TF: variants seen among roughly 807,000 people sequenced by gnomAD.
The protein encoded by TF is serotransferrin.
A neutral mutation model predicts 82.4 loss-of-function variants in TF; 55 were observed. That is an observed-to-expected ratio of 0.67 (90% CI 0.54 to 0.84). TF has a LOEUF of 0.84. TF is among the 40% of genes least tolerant of loss of function. TF has a pLI of 0.00. For missense variants in TF, 737 were observed against 868.4 expected, an observed-to-expected ratio of 0.85 and a Z score of 1.90; for synonymous variants, 332 against 332.6, an observed-to-expected ratio of 1.00 and a Z score of 0.02.
intron 5 of TF, among the ~76,000 whole-genome samples, chr3:133,756,072 C>G (rs1361505672): frequency 6.6e-6 from 1 of 152,126 alleles, no homozygotes; most frequent in Non-Finnish European, 1.5e-5. Context: ...CATTTTGCTT[C>G]TTTGGGTTAT....
At chr3:133,735,637 A>C in the TF span, among the ~76,000 whole-genome samples, 2 of 152,320 alleles carry the variant, frequency 1.3e-5, no homozygotes, top group Admixed American at 1.3e-4. Flanking sequence ...GAAAAACAGC[A>C]CGAGAACTTT....
the TF span, among the ~76,000 whole-genome samples, chr3:133,714,872 G>A: frequency 2.6e-5 from 4 of 151,922 alleles, no homozygotes; most frequent in Non-Finnish European, 5.9e-5. Context: ...GAGTAGAGAC[G>A]GGGTTTCACC....
the TF span, among the ~76,000 whole-genome samples, chr3:133,663,482 T>C: frequency 7.6e-6 from 1 of 130,886 alleles, no homozygotes; most frequent in East Asian, 2.0e-4. Flanking sequence ...TCACTAGAGG[T>C]GGGAAAAAAA....
chr3:133,732,560 G>A, the TF span, among the ~76,000 whole-genome samples: 1 of 152,168 alleles, frequency 6.6e-6, no homozygotes, highest in Non-Finnish European at 1.5e-5. Context: ...TTCTTTTGCT[G>A]TTTGCAAGAA....
At chr3:133,767,960 T>C (rs964689458) in intron 12 of TF, 69 bp from the exon 13 acceptor site, 17 of 1,594,004 alleles carry the variant, frequency 1.1e-5, no homozygotes, top group Non-Finnish European at 1.5e-5. Context: ...TGCAGCCCTG[T>C]TATCTCTTAA....
chr3:133,675,027 C>G, the TF span, among the ~76,000 whole-genome samples: 1 of 151,986 alleles, frequency 6.6e-6, no homozygotes, highest in Non-Finnish European at 1.5e-5. Context: ...GGTGTATCAC[C>G]TGATGTCAGG....
At chr3:133,684,594 G>GA in the TF span, among the ~76,000 whole-genome samples, 1 of 152,124 alleles carries the variant, frequency 6.6e-6, no homozygotes, top group Admixed American at 6.6e-5. Flanking sequence ...AAATAAACTA[G>GA]AAAATCTAGA....
At chr3:133,687,095 A>G in the TF span, among the ~76,000 whole-genome samples, 2 of 152,206 alleles carry the variant, frequency 1.3e-5, no homozygotes, top group South Asian at 4.1e-4. Context: ...TATCGCAAGG[A>G]CGGAAAACCA....
the TF span, among the ~76,000 whole-genome samples, chr3:133,672,882 G>A: frequency 6.6e-6 from 1 of 152,144 alleles, no homozygotes; most frequent in African/African-American, 2.4e-5. Context: ...GGAATCATAT[G>A]AGTATCTTAG....
intron 2 of TF, among the ~76,000 whole-genome samples, chr3:133,751,716 G>C (rs1288690401): frequency 6.6e-6 from 1 of 152,174 alleles, no homozygotes; most frequent in East Asian, 1.9e-4. Flanking sequence ...AATTGGCTGG[G>C]TGCGGTGGCT....
At chr3:133,676,601 A>G in the TF span, among the ~76,000 whole-genome samples, 1 of 152,194 alleles carries the variant, frequency 6.6e-6, no homozygotes, top group Non-Finnish European at 1.5e-5. Flanking sequence ...GAAGGCAGGA[A>G]GGGAAGGGGA....
intron 2 of TF, 74 bp downstream of exon 2, chr3:133,748,658 C>G: frequency 6.4e-7 from 1 of 1,561,704 alleles, no homozygotes; most frequent in Non-Finnish European, 8.7e-7. Context: ...TGGAACAATT[C>G]TTTACTCACA....
the TF span, among the ~76,000 whole-genome samples, chr3:133,713,657 G>A: frequency 2.6e-5 from 4 of 152,142 alleles, no homozygotes; most frequent in African/African-American, 7.2e-5. Flanking sequence ...CTGGCCTTGC[G>A]TGCATGTGGG....
chr3:133,700,536 G>A, the TF span, among the ~76,000 whole-genome samples: 1 of 152,222 alleles, frequency 6.6e-6, no homozygotes, highest in Non-Finnish European at 1.5e-5. Context: ...AGCCTCTTTA[G>A]GATGGAGACC....
At chr3:133,699,455 A>G in the TF span, 3 of 1,236,034 alleles carry the variant, frequency 2.4e-6, no homozygotes, top group Non-Finnish European at 3.3e-6. Context: ...AGAACCTGGC[A>G]AACAAGGCTG....
the TF span, chr3:133,709,980 A>C: frequency 0.74 from 112,351 of 152,188 alleles, 41,915 homozygotes; most frequent in Non-Finnish European, 0.8. Context: ...TGCGTTGGTG[A>C]GCGCGAGTGT....
At chr3:133,724,315 C>T in the TF span, among the ~76,000 whole-genome samples, 2 of 152,180 alleles carry the variant, frequency 1.3e-5, no homozygotes, top group Admixed American at 6.5e-5. Context: ...TCTCCAGCAC[C>T]TGTTGTTTCC....
At chr3:133,749,931 T>A (rs1319906640) in intron 2 of TF, among the ~76,000 whole-genome samples, 1 of 152,130 alleles carries the variant, frequency 6.6e-6, no homozygotes. Context: ...TAGAAAGGGC[T>A]GGTCAGTGTA....
chr3:133,755,645 G>A, intron 5 of TF, 150 bp downstream of exon 5: 1 of 1,067,348 alleles, frequency 9.4e-7, no homozygotes, highest in South Asian at 1.4e-5. Flanking sequence ...GCACAACCTG[G>A]GACTCCTAGG....
Sources: gnomAD v4.1 joint callset for allele counts (sites outside exome capture counted in the v4.1 genomes callset) on GRCh38, gnomAD v4.1.1 for gene constraint, MANE v1.5 for transcripts, NCBI Gene and HGNC (gene_info 2026-07-23, HGNC 2026-07-21) for gene names.